TWSG1: variants seen among roughly 807,000 people sequenced by gnomAD.
TWSG1 encodes twisted gastrulation BMP signaling modulator 1, also known as twisted gastrulation protein homolog 1.
A neutral mutation model predicts 23.0 loss-of-function variants in TWSG1; 15 were observed. The ratio of observed to expected loss-of-function variants is 0.65; its 90% confidence interval spans 0.44 to 1.00. TWSG1 has a LOEUF of 1.00. TWSG1 is among the 50% of genes least tolerant of loss of function. The pLI is 0.00. For missense variants in TWSG1, 242 were observed against 278.7 expected (o/e 0.87, Z 0.94); for synonymous variants, 86 against 92.8 (o/e 0.93, Z 0.42).
chr18:9,343,949 C>A (rs746231788), intron 2 of TWSG1, among the ~76,000 whole-genome samples: 6 of 152,158 alleles, frequency 3.9e-5, no homozygotes, highest in Non-Finnish European at 7.3e-5. Context: ...TGCCTGTGCA[C>A]ACAGGCAGTG....
Position 9,369,960 on chromosome 18 carries a change from C to CT in TWSG1, c.223+9892dup, listed in dbSNP as rs528030542. On this transcript the variant is annotated intron_variant, in intron 3 of 4. Transcript: ENST00000262120. ...TCCTTGACTGTGCAGAAGCTTTTTACTTTGAGTTAATTCCATTTGTCTGTT... is the reference window on the plus strand; with the variant it reads ...TCCTTGACTGTGCAGAAGCTTTTTACTTTTGAGTTAATTCCATTTGTCTGTT... Among the ~76,000 whole-genome samples the CT allele has an allele frequency of 4.0e-3, 615 of 152,234 alleles. 2 individuals carry two copies. Among genetic ancestry groups the CT allele is most frequent in the African/African-American group, 0.014 (584 of 41,538 alleles).
intron 3 of TWSG1, among the ~76,000 whole-genome samples, chr18:9,395,615 A>G (rs1392861456): frequency 1.3e-5 from 2 of 152,180 alleles, no homozygotes; most frequent in Admixed American, 6.5e-5. Flanking sequence ...TGCCCAGGCT[A>G]GAGTCCAATG....
At chr18:9,347,710 C>T (rs1328787147) in intron 2 of TWSG1, among the ~76,000 whole-genome samples, 1 of 152,022 alleles carries the variant, frequency 6.6e-6, no homozygotes. Flanking sequence ...TGGGAAATTT[C>T]CTGACCTTAC....
chr18:9,390,412 C>T (rs543072686), intron 3 of TWSG1, among the ~76,000 whole-genome samples: 10 of 152,260 alleles, frequency 6.6e-5, no homozygotes, highest in East Asian at 1.9e-4. Flanking sequence ...CCGCCCCCCT[C>T]GGCCTCCCAA....
At chr18:9,386,969 C>T (rs761152645) in intron 3 of TWSG1, among the ~76,000 whole-genome samples, 1 of 152,172 alleles carries the variant, frequency 6.6e-6, no homozygotes, top group Non-Finnish European at 1.5e-5. Context: ...TTACTTCTCA[C>T]CTACCGTTTC....
At chr18:9,356,479 A>G (rs2040527386) in intron 2 of TWSG1, among the ~76,000 whole-genome samples, 1 of 152,226 alleles carries the variant, frequency 6.6e-6, no homozygotes, top group African/African-American at 2.4e-5. Flanking sequence ...AATGGGAACT[A>G]TTAAATTGAC....
At chr18:9,358,628 G>T (rs2040538145) in intron 2 of TWSG1, among the ~76,000 whole-genome samples, 1 of 152,068 alleles carries the variant, frequency 6.6e-6, no homozygotes, top group South Asian at 2.1e-4. Context: ...TGGGAATCAG[G>T]CTTCAGTTCC....
rs535744518 is a variant in TWSG1, at chr18:9,397,604, T to C, written c.490+1058T>C. ...TTACTGTGGAAGCATAAAGCACTTA[T>C]GAAAATTGCAATTATTTCTTAAAAC... On this transcript the variant is annotated intron_variant, in intron 4 of 4. Transcript: ENST00000262120. Among the ~76,000 whole-genome samples, 23 of 152,362 alleles carry C rather than the reference T, an allele frequency of 1.5e-4. 1 individual carries two copies. Among genetic ancestry groups the C allele is most frequent in the African/African-American group, 5.0e-4 (21 of 41,594 alleles).
At chr18:9,340,443 A>G (rs1256966349) in intron 2 of TWSG1, among the ~76,000 whole-genome samples, 1 of 152,038 alleles carries the variant, frequency 6.6e-6, no homozygotes, top group Non-Finnish European at 1.5e-5. Context: ...TTATTCACAA[A>G]CATTTATTGA....
chr18:9,371,124 C>T (rs2040603111), intron 3 of TWSG1, among the ~76,000 whole-genome samples: 1 of 151,880 alleles, frequency 6.6e-6, no homozygotes, highest in Non-Finnish European at 1.5e-5. Flanking sequence ...CAGATTGACC[C>T]TATACTTTAA....
At chr18:9,335,695 G>T (rs1236950114) in intron 1 of TWSG1, among the ~76,000 whole-genome samples, 1 of 152,194 alleles carries the variant, frequency 6.6e-6, no homozygotes, top group Non-Finnish European at 1.5e-5. Context: ...GTTACTAACG[G>T]TCTTTAGGGA....
Position 9,343,260 on chromosome 18 carries a change from A to C in TWSG1, c.123+5908A>C, listed in dbSNP as rs886917242. On this transcript the variant is annotated intron_variant, in intron 2 of 4. Coordinates refer to ENST00000262120, the MANE Select transcript of TWSG1 (RefSeq NM_020648.6). The stretch of plus-strand genomic sequence containing the variant: ...TATATATATATATATATATATATAT[A>C]TCTTGTCCTAACATACATACATATA... Among the ~76,000 whole-genome samples, 59 of 135,352 alleles carry C rather than the reference A, an allele frequency of 4.4e-4. 4 individuals carry two copies. In the South Asian group the frequency reaches 0.011, roughly 25 times the overall value. 88.8% of individuals were successfully genotyped at this position (135,352 alleles called of 152,430 possible).
intron 2 of TWSG1, among the ~76,000 whole-genome samples, chr18:9,351,579 A>G (rs2040501968): frequency 7.0e-6 from 1 of 141,858 alleles, no homozygotes; most frequent in Non-Finnish European, 1.5e-5. Context: ...GTTTAGGTTT[A>G]TTTCTTTAAA....
chr18:9,341,085 T>C (rs1162198513), intron 2 of TWSG1, among the ~76,000 whole-genome samples: 1 of 152,216 alleles, frequency 6.6e-6, no homozygotes, highest in Non-Finnish European at 1.5e-5. Flanking sequence ...TGTGTGTCTC[T>C]GTGATCCTGC....
At position 9,376,832 on chromosome 18, in the gene TWSG1, C is replaced by CAA. The variant is rs59781624; in HGVS notation, c.223+16778_223+16779dup. 1.1e-3 allele frequency among the ~76,000 whole-genome samples: 108 copies of CAA among 100,800 alleles called. 1 individual carries two copies. The highest frequency in any genetic ancestry group is 7.4e-3 in the East Asian group (25 of 3,364). The allele number at this position is 100,800 out of a possible 152,430, so 66.1% of individuals were successfully genotyped here. On this transcript the variant is annotated intron_variant, in intron 3 of 4. Coordinates refer to ENST00000262120, the MANE Select transcript of TWSG1 (RefSeq NM_020648.6). Reference sequence around the variant, plus strand: ...GGGTGACAGAGCAAAACCCTGTCTCCAAAAAAAAAAAAAAAAAAGTATTAG... The same window carrying CAA: ...GGGTGACAGAGCAAAACCCTGTCTCCAAAAAAAAAAAAAAAAAAAAGTATTAG...
intron 3 of TWSG1, among the ~76,000 whole-genome samples, chr18:9,367,690 A>G (rs966738978): frequency 6.6e-6 from 1 of 152,126 alleles, no homozygotes; most frequent in Non-Finnish European, 1.5e-5. Flanking sequence ...TGCACATACG[A>G]GGGGTCTCAG....
intron 2 of TWSG1, among the ~76,000 whole-genome samples, chr18:9,357,052 T>C (rs191322345): frequency 9.9e-5 from 15 of 152,256 alleles, no homozygotes; most frequent in Admixed American, 8.5e-4. Context: ...AAATGTTCTT[T>C]TACTCCAAAG....
intron 3 of TWSG1, chr18:9,388,372 A>C (rs1172288663): frequency 6.6e-6 from 1 of 152,252 alleles, no homozygotes; most frequent in Non-Finnish European, 1.5e-5. Flanking sequence ...AGGAAGTCCT[A>C]CCATACTGAC....
At chr18:9,342,081 GTACTTT>G (rs1270902878) in intron 2 of TWSG1, among the ~76,000 whole-genome samples, 2 of 152,136 alleles carry the variant, frequency 1.3e-5, no homozygotes, top group Non-Finnish European at 2.9e-5. Flanking sequence ...AGTGTTACCT[GTACTTT>G]TACTTTTATA....
Sources: allele counts gnomAD v4.1 joint callset (sites outside exome capture counted in the v4.1 genomes callset), GRCh38; gene constraint gnomAD v4.1.1; transcripts MANE v1.5; gene names NCBI Gene and HGNC (gene_info 2026-07-23, HGNC 2026-07-21).